The following UNC13C variants were observed in gnomAD, a reference collection of about 807,000 sequenced individuals.
The protein encoded by UNC13C is protein unc-13 homolog C.
A neutral mutation model predicts 245.4 loss-of-function variants in UNC13C; 174 were observed. The ratio of observed to expected loss-of-function variants is 0.71; its 90% confidence interval spans 0.63 to 0.80. The LOEUF is 0.80. Ranked by LOEUF, UNC13C falls within the 30% of genes least tolerant of loss-of-function variation. The pLI is 0.00. For synonymous variants in UNC13C, 992 were observed against 895.1 expected (o/e 1.11, Z -1.93); for missense variants, 2,829 against 2,602.9 (o/e 1.09, Z -1.89).
At chr15:54,203,420 A>T (rs1250062161) in intron 4 of UNC13C, among the ~76,000 whole-genome samples, 3 of 150,742 alleles carry the variant, frequency 2.0e-5, no homozygotes, top group Non-Finnish European at 4.4e-5. Context: ...ATATAGAATC[A>T]GTCCAAATGC....
intron 13 of UNC13C, among the ~76,000 whole-genome samples, chr15:54,304,847 A>G (rs749969050): frequency 6.6e-6 from 1 of 151,968 alleles, no homozygotes; most frequent in Non-Finnish European, 1.5e-5. Context: ...CATAGATACA[A>G]TCTCTATTGT....
chr15:54,079,053 T>G (rs1379423977), intron 2 of UNC13C, among the ~76,000 whole-genome samples: 1 of 152,172 alleles, frequency 6.6e-6, no homozygotes, highest in Non-Finnish European at 1.5e-5. Context: ...CCCAGCACTA[T>G]TTATTGAATA....
At chr15:54,204,779 T>C (rs2034655062) in intron 4 of UNC13C, among the ~76,000 whole-genome samples, 2 of 151,940 alleles carry the variant, frequency 1.3e-5, no homozygotes, top group South Asian at 2.1e-4. Flanking sequence ...AAATTCAGGA[T>C]AGTAGTTAAC....
chr15:54,455,195 CTCTCTCTCTCTA>C (rs1891421982), intron 19 of UNC13C, among the ~76,000 whole-genome samples: 3 of 46,694 alleles, frequency 6.4e-5, no homozygotes, highest in South Asian at 1.4e-3. Flanking sequence ...CTCTCTCTCT[CTCTCTCTCTCTA>C]TATATATATA....
intron 17 of UNC13C, among the ~76,000 whole-genome samples, chr15:54,365,585 C>T (rs766033218): frequency 2.9e-4 from 44 of 151,984 alleles, no homozygotes; most frequent in South Asian, 6.2e-4. Flanking sequence ...TTTTGTATTA[C>T]GTAGGAATTT....
intron 2 of UNC13C, among the ~76,000 whole-genome samples, chr15:54,134,435 TGTGC>T (rs956692179): frequency 2.5e-4 from 32 of 129,622 alleles, no homozygotes; most frequent in Non-Finnish European, 4.6e-4. Context: ...TGTGTGTGTG[TGTGC>T]GTTTGTGTGT....
At chr15:54,588,842 T>A (rs1165930185) in intron 30 of UNC13C, among the ~76,000 whole-genome samples, 1 of 152,230 alleles carries the variant, frequency 6.6e-6, no homozygotes, top group Non-Finnish European at 1.5e-5. Flanking sequence ...CTCAGTAGTA[T>A]TCCATTGTAT....
intron 4 of UNC13C, among the ~76,000 whole-genome samples, chr15:54,178,557 A>G (rs1386894064): frequency 6.6e-6 from 1 of 152,208 alleles, no homozygotes; most frequent in Non-Finnish European, 1.5e-5. Context: ...AGGATTAAAT[A>G]AACAAATTCC....
intron 8 of UNC13C, among the ~76,000 whole-genome samples, chr15:54,256,811 A>C (rs986510678): frequency 6.6e-6 from 1 of 152,106 alleles, no homozygotes; most frequent in Non-Finnish European, 1.5e-5. Context: ...AACAACAACC[A>C]CTCATATTAA....
intron 1 of UNC13C, among the ~76,000 whole-genome samples, chr15:54,002,432 T>C (rs531219857): frequency 6.6e-6 from 1 of 152,210 alleles, no homozygotes; most frequent in African/African-American, 2.4e-5. Context: ...CCTTGCGGGG[T>C]TGTTTTCAAG....
chr15:54,584,155 TTCTGGCCCC>T (rs1286175720), intron 30 of UNC13C, among the ~76,000 whole-genome samples: 1 of 152,184 alleles, frequency 6.6e-6, no homozygotes, highest in African/African-American at 2.4e-5. Flanking sequence ...ATTGGCTGGT[TTCTGGCCCC>T]CTCCAAAGAG....
intron 30 of UNC13C, among the ~76,000 whole-genome samples, chr15:54,581,685 G>C (rs891609004): frequency 2.0e-5 from 3 of 152,176 alleles, no homozygotes; most frequent in Non-Finnish European, 4.4e-5. Flanking sequence ...ACGAATTTGG[G>C]GGAGATACCA....
At chr15:54,427,300 C>G (rs2040778469) in intron 19 of UNC13C, among the ~76,000 whole-genome samples, 1 of 151,696 alleles carries the variant, frequency 6.6e-6, no homozygotes, top group Non-Finnish European at 1.5e-5. Context: ...ATAAGTCTCA[C>G]AAGATCTGAT....
At chr15:54,077,007 C>G (rs1292646181) in intron 2 of UNC13C, among the ~76,000 whole-genome samples, 7 of 152,038 alleles carry the variant, frequency 4.6e-5, no homozygotes, top group African/African-American at 7.2e-5. Context: ...AAAATGGTAT[C>G]TGAGAGATGA....
At chr15:53,855,609 C>T in the UNC13C span, among the ~76,000 whole-genome samples, 157 of 152,184 alleles carry the variant, frequency 1.0e-3, no homozygotes, top group Admixed American at 3.5e-3. Flanking sequence ...TATTGATCTG[C>T]CTATGTTAAA....
intron 4 of UNC13C, among the ~76,000 whole-genome samples, chr15:54,231,991 C>T (rs1274762626): frequency 1.3e-5 from 2 of 152,010 alleles, no homozygotes; most frequent in Non-Finnish European, 2.9e-5. Flanking sequence ...TAAGAAGCCT[C>T]CCAATAAACA....
intron 4 of UNC13C, among the ~76,000 whole-genome samples, chr15:54,185,176 G>A (rs2033935312): frequency 6.6e-6 from 1 of 150,584 alleles, no homozygotes; most frequent in African/African-American, 2.5e-5. Context: ...TTAGCCCTTT[G>A]TCAGATGAGT....
intron 19 of UNC13C, among the ~76,000 whole-genome samples, chr15:54,468,519 G>T (rs1343536913): frequency 6.6e-6 from 1 of 151,600 alleles, no homozygotes; most frequent in African/African-American, 2.4e-5. Flanking sequence ...AGAAATCGCT[G>T]CCCTGATCAA....
the UNC13C span, among the ~76,000 whole-genome samples, chr15:53,851,946 A>G: frequency 3.3e-5 from 5 of 152,144 alleles, no homozygotes; most frequent in Admixed American, 2.6e-4. Flanking sequence ...CCTTTGTAAT[A>G]ATACCTTATA....
Sources: gnomAD v4.1 joint callset for allele counts (sites outside exome capture counted in the v4.1 genomes callset) on GRCh38, gnomAD v4.1.1 for gene constraint, MANE v1.5 for transcripts, NCBI Gene and HGNC (gene_info 2026-07-23, HGNC 2026-07-21) for gene names.